ALCAM: variants seen among roughly 807,000 people sequenced by gnomAD.
ALCAM encodes the protein CD166 antigen.
ALCAM carries 30 observed loss-of-function variants against 70.9 expected under a neutral mutation model. The ratio of observed to expected loss-of-function variants is 0.42; its 90% CI spans 0.32 to 0.57. The LOEUF is 0.57. ALCAM is among the 20% of genes least tolerant of loss of function. ALCAM has a pLI of 0.11. For missense variants in ALCAM, 591 were observed against 695.1 expected (o/e 0.85, Z 1.68); for synonymous variants, 249 against 242.5 (o/e 1.03, Z -0.25).
chr3:105,368,091 G>A (rs554230631), intron 1 of ALCAM, among the ~76,000 whole-genome samples: 1 of 151,976 alleles, frequency 6.6e-6, no homozygotes, highest in South Asian at 2.1e-4. Flanking sequence ...GAGTGAAAGG[G>A]TGACCGCAGG....
At chr3:105,404,520 A>G (rs775420986) in intron 1 of ALCAM, among the ~76,000 whole-genome samples, 16 of 152,192 alleles carry the variant, frequency 1.1e-4, no homozygotes, top group Admixed American at 4.6e-4. Flanking sequence ...AGTTGTTTCC[A>G]GACAAACAAA....
intron 14 of ALCAM, among the ~76,000 whole-genome samples, chr3:105,557,859 C>G (rs924763911): frequency 3.9e-5 from 6 of 152,110 alleles, no homozygotes; most frequent in Admixed American, 3.9e-4. Context: ...ATAAAATTTT[C>G]ATGAGGAATT....
At chr3:105,464,329 T>C (rs1292833426) in intron 1 of ALCAM, among the ~76,000 whole-genome samples, 1 of 151,094 alleles carries the variant, frequency 6.6e-6, no homozygotes, top group Non-Finnish European at 1.5e-5. Context: ...AAAATTTCTA[T>C]ATACAAAGAG....
intron 1 of ALCAM, among the ~76,000 whole-genome samples, chr3:105,410,225 C>G (rs1936352674): frequency 1.3e-5 from 2 of 151,998 alleles, no homozygotes; most frequent in Admixed American, 6.6e-5. Context: ...TGTAGGTTGT[C>G]TCCAAGATTG....
Position 105,561,957 on chromosome 3 carries a change from C to T in ALCAM, c.1664+9372C>T, listed in dbSNP as rs573222146. Among the ~76,000 whole-genome samples the T allele has an allele frequency of 1.8e-3, 268 of 152,272 alleles. 1 individual carries two copies. Among genetic ancestry groups the T allele is most frequent in the African/African-American group, 6.1e-3 (254 of 41,560 alleles). On this transcript the variant is annotated intron_variant, in intron 14 of 15. Transcript: ENST00000306107. Reference sequence around the variant, plus strand: ...CAAACTTTAGTGTCTACAGTTTTCACTAGGCATTATGACATAGGCATGATT... The same window carrying T: ...CAAACTTTAGTGTCTACAGTTTTCATTAGGCATTATGACATAGGCATGATT...
chr3:105,508,830 T>TGA (rs397723470), intron 1 of ALCAM, among the ~76,000 whole-genome samples: 2 of 151,408 alleles, frequency 1.3e-5, no homozygotes, highest in East Asian at 1.9e-4. Flanking sequence ...TCTAGTTGTG[T>TGA]CCTATACAGT....
Position 105,550,132 on chromosome 3 carries a change from G to A in ALCAM, c.1380G>A (p.Glu460=), listed in dbSNP as rs1940356405. The stretch of plus-strand genomic sequence containing the variant: ...CTTTTTTCTTCTTTTTCCAGACAGA[G>A]GAATCTCCTTATATTAATGGCAGGT... ...TGSGSVINQT[E]ESPYINGRYY... is the part of the protein sequence containing the mutation. Residue 460 remains glutamate (E), a synonymous_variant, in exon 12 of 16, where the codon GAG becomes GAA. Coordinates refer to ENST00000306107, the MANE Select transcript of ALCAM (RefSeq NM_001627.4). The A allele has an allele frequency of 8.2e-6, 13 of 1,583,234 alleles. No individual in the cohort carries two copies. The highest frequency in any genetic ancestry group is 1.1e-5 in the Non-Finnish European group (13 of 1,159,848).
chr3:105,480,533 G>T (rs1938243241), intron 1 of ALCAM, among the ~76,000 whole-genome samples: 1 of 152,022 alleles, frequency 6.6e-6, no homozygotes. Context: ...ACAGAATTCT[G>T]CACCTTTGAC....
At chr3:105,395,998 C>T (rs1043770322) in intron 1 of ALCAM, among the ~76,000 whole-genome samples, 5 of 151,926 alleles carry the variant, frequency 3.3e-5, no homozygotes, top group African/African-American at 1.2e-4. Flanking sequence ...CATTTAGGAC[C>T]AGTCAACTAA....
At chr3:105,468,833 A>G (rs760181726) in intron 1 of ALCAM, among the ~76,000 whole-genome samples, 9 of 151,216 alleles carry the variant, frequency 6.0e-5, no homozygotes, top group African/African-American at 9.7e-5. Context: ...TTAGTTAAGT[A>G]TTGTATTTTT....
chr3:105,509,669 A>G (rs1168718992), intron 1 of ALCAM, among the ~76,000 whole-genome samples: 1 of 151,982 alleles, frequency 6.6e-6, no homozygotes, highest in Non-Finnish European at 1.5e-5. Context: ...CCCTATTCAT[A>G]GGCTGACTTT....
At position 105,553,966 on chromosome 3, in the gene ALCAM, C is replaced by T. The variant is rs189276741; in HGVS notation, c.1664+1381C>T. 9.2e-5 allele frequency among the ~76,000 whole-genome samples: 14 copies of T among 151,970 alleles called. No homozygotes were observed. In the East Asian group the frequency reaches 9.7e-4, roughly 11 times the overall value. On this transcript the variant is annotated intron_variant, in intron 14 of 15. Transcript: ENST00000306107. ...TGTTGTGTGTTGTCACTGATGCACA[C>T]GATGTCCACTCTCACATGATGGCAC...
rs144918788 is a variant in ALCAM at position 105,490,059 on chromosome 3, G to C, written c.74-30008G>C. Among the ~76,000 whole-genome samples, 792 of 152,240 alleles carry C rather than the reference G, an allele frequency of 5.2e-3. 4 individuals are homozygous for C. Among genetic ancestry groups the C allele is most frequent in the African/African-American group, 0.017 (713 of 41,542 alleles). ...CATTTTAAGATATTTTGTTTACCTA[G>C]CAAAGTAACTAAGAAGTTTGGAGAA... On this transcript the variant is annotated intron_variant, in intron 1 of 15. Coordinates refer to ENST00000306107, the MANE Select transcript of ALCAM (RefSeq NM_001627.4).
At chr3:105,517,062 C>T (rs1939401415) in intron 1 of ALCAM, among the ~76,000 whole-genome samples, 1 of 152,122 alleles carries the variant, frequency 6.6e-6, no homozygotes, top group Admixed American at 6.6e-5. Flanking sequence ...GTCTCACTGG[C>T]ACTTCATCTC....
At chr3:105,462,919 G>A (rs537106552) in intron 1 of ALCAM, among the ~76,000 whole-genome samples, 28 of 151,270 alleles carry the variant, frequency 1.9e-4, no homozygotes, top group Non-Finnish European at 3.6e-4. Context: ...CAAGACATAC[G>A]GAATATTAGC....
intron 1 of ALCAM, among the ~76,000 whole-genome samples, chr3:105,380,242 A>G (rs1476825822): frequency 1.3e-5 from 2 of 151,782 alleles, no homozygotes; most frequent in African/African-American, 4.8e-5. Flanking sequence ...TCATCATCTT[A>G]TCTATTATTA....
intron 1 of ALCAM, among the ~76,000 whole-genome samples, chr3:105,406,828 A>C (rs1936248209): frequency 6.6e-6 from 1 of 152,162 alleles, no homozygotes; most frequent in Non-Finnish European, 1.5e-5. Flanking sequence ...CAAGAAAAGG[A>C]GACAGAAAAT....
At chr3:105,528,262 A>G (rs1939754834) in intron 3 of ALCAM, among the ~76,000 whole-genome samples, 1 of 152,138 alleles carries the variant, frequency 6.6e-6, no homozygotes, top group Admixed American at 6.6e-5. Flanking sequence ...CAAAAAATAT[A>G]CATTTTAGTA....
intron 1 of ALCAM, among the ~76,000 whole-genome samples, chr3:105,387,242 ACACACACACACT>A (rs1434437161): frequency 4.6e-5 from 7 of 151,576 alleles, no homozygotes; most frequent in African/African-American, 1.7e-4. Context: ...CCTCACACAC[ACACACACACACT>A]CACACACACA....
Sources: allele counts gnomAD v4.1 joint callset (sites outside exome capture counted in the v4.1 genomes callset), GRCh38; gene constraint gnomAD v4.1.1; transcripts MANE v1.5; gene names NCBI Gene and HGNC (gene_info 2026-07-23, HGNC 2026-07-21).